ATP6V0A1: variants seen among roughly 807,000 people sequenced by gnomAD.
ATP6V0A1 encodes the protein ATPase H+ transporting V0 subunit a1, also known as V-type proton ATPase 116 kDa subunit a 1.
ATP6V0A1 carries 43 observed loss-of-function variants against 105.4 expected under a neutral mutation model. The observed-to-expected ratio is 0.41, with a 90% CI of 0.32 to 0.53. The LOEUF (loss-of-function observed/expected upper bound fraction) is 0.53, where lower values mean the gene tolerates loss of function less well. ATP6V0A1 is among the 20% of genes least tolerant of loss of function. The pLI is 0.30. For missense variants in ATP6V0A1, 676 were observed against 1,051.1 expected (o/e 0.64, Z 4.93); for synonymous variants, 362 against 372.8 (o/e 0.97, Z 0.33).
intron 7 of ATP6V0A1, 200 bp downstream of exon 7, chr17:42,478,789 C>T (rs567301848): frequency 2.9e-6 from 1 of 340,024 alleles, no homozygotes; most frequent in Admixed American, 5.2e-5. Context: ...GTATACATGA[C>T]ATATACATAT....
intron 21 of ATP6V0A1, chr17:42,519,639 A>T (rs1410102650): frequency 6.6e-6 from 1 of 151,926 alleles, no homozygotes; most frequent in East Asian, 1.9e-4. Context: ...GAACTTGGAG[A>T]AGTAGTTTTG....
chr17:42,502,496 GCACA>G lies in ATP6V0A1; in HGVS notation c.2004+1209_2004+1212del, dbSNP rs368754662. 8.6e-5 allele frequency among the ~76,000 whole-genome samples: 13 copies of G among 150,310 alleles called. No homozygotes were observed. In the East Asian group the frequency reaches 9.8e-4, roughly 11 times the overall value. On this transcript the variant is annotated intron_variant, in intron 17 of 21. Transcript: ENST00000343619. ...CTGTGTGTATATGAATTCTGCGCGCGCACACACACACACACACACAGAGTTAAAT... is the reference window on the plus strand; with the variant it reads ...CTGTGTGTATATGAATTCTGCGCGCGCACACACACACACACAGAGTTAAAT...
rs536913500 is a variant in ATP6V0A1 at position 42,462,851 on chromosome 17, G to A, written c.117+1840G>A. On this transcript the variant is annotated intron_variant, in intron 2 of 21. Coordinates refer to ENST00000343619, the MANE Select transcript of ATP6V0A1 (RefSeq NM_001130021.3). Reference sequence around the variant, plus strand: ...TGGTCTTGAACTCCTGGACTCAAGCGGTTCTCCTGCCTCAGCCTCCCAAAG... The same window carrying A: ...TGGTCTTGAACTCCTGGACTCAAGCAGTTCTCCTGCCTCAGCCTCCCAAAG... Among the ~76,000 whole-genome samples, 19 of 151,614 alleles carry A rather than the reference G, an allele frequency of 1.3e-4. No homozygotes were observed. In the East Asian group the frequency reaches 2.3e-3, roughly 19 times the overall value.
intron 1 of ATP6V0A1, 57 bp from the exon 2 acceptor site, chr17:42,460,791 T>C (rs2086314290): frequency 3.3e-6 from 3 of 898,006 alleles, no homozygotes; most frequent in Middle Eastern, 2.7e-4. Flanking sequence ...TGGGGTGTCA[T>C]TTGCTCTTAG....
intron 17 of ATP6V0A1, among the ~76,000 whole-genome samples, chr17:42,505,787 CTTT>C (rs200710030): frequency 1.4e-5 from 2 of 143,114 alleles, no homozygotes. Flanking sequence ...TTTCATATGT[CTTT>C]TTTTTTTTTT....
At chr17:42,478,678 C>A in intron 7 of ATP6V0A1, 89 bp downstream of exon 7, 2 of 1,350,838 alleles carry the variant, frequency 1.5e-6, no homozygotes. Context: ...GAATCCAGTG[C>A]TTCCACAGAG....
rs749272300 is a variant in ATP6V0A1 at position 42,513,425 on chromosome 17, G to A, written c.2131-436G>A. The A allele has an allele frequency of 1.3e-4, 22 of 165,070 alleles. 1 individual carries two copies. Among genetic ancestry groups the A allele is most frequent in the South Asian group, 4.7e-4 (3 of 6,342 alleles). 10.2% of individuals were successfully genotyped at this position (165,070 alleles called of 1,614,324 possible). A position where few individuals can be genotyped will look rare whatever the true frequency, so the allele number is the denominator to read the frequency against. ...GGGTTGAGAGTCTGTCTCCTGAAGC[G>A]CACTCTGGGGAAAATCCCTTCCTGC... On this transcript the variant is annotated intron_variant, in intron 19 of 21. Coordinates refer to ENST00000343619, the MANE Select transcript of ATP6V0A1 (RefSeq NM_001130021.3).
intron 9 of ATP6V0A1, among the ~76,000 whole-genome samples, chr17:42,484,279 G>A (rs1259657912): frequency 3.3e-5 from 5 of 151,876 alleles, no homozygotes; most frequent in Non-Finnish European, 7.4e-5. Context: ...GGATGATCTC[G>A]ATCTCCTGAC....
At chr17:42,479,938 A>G (rs1455490649) in intron 7 of ATP6V0A1, among the ~76,000 whole-genome samples, 1 of 152,218 alleles carries the variant, frequency 6.6e-6, no homozygotes, top group African/African-American at 2.4e-5. Context: ...GTTCTAGTTT[A>G]GCCTACAGAA....
At chr17:42,520,023 A>G (rs115188066) in intron 21 of ATP6V0A1, 201 of 162,246 alleles carry the variant, frequency 1.2e-3, no homozygotes, top group African/African-American at 4.6e-3. Flanking sequence ...TCCATTTGTA[A>G]AAGCTGAGTT....
At chr17:42,515,331 G>C (rs1259963239) in intron 21 of ATP6V0A1, among the ~76,000 whole-genome samples, 2 of 151,658 alleles carry the variant, frequency 1.3e-5, no homozygotes, top group African/African-American at 4.9e-5. Context: ...GCCAGGTGTG[G>C]TGGCACGTGC....
rs541584976 is a variant in ATP6V0A1, at chr17:42,502,108, A to G, written c.2004+804A>G. ...GAGCACTGGGCCTGCCAAGTCAGAG[A>G]AACATGTCTGCTGCTCAAGATATCT... On this transcript the variant is annotated intron_variant, in intron 17 of 21. Transcript: ENST00000343619. Among the ~76,000 whole-genome samples the G allele has an allele frequency of 3.4e-4, 52 of 152,344 alleles. No homozygotes were observed. In the South Asian group the frequency reaches 0.011, roughly 32 times the overall value.
At chr17:42,485,179 T>G (rs2089980875) in intron 9 of ATP6V0A1, among the ~76,000 whole-genome samples, 2 of 152,010 alleles carry the variant, frequency 1.3e-5, no homozygotes, top group African/African-American at 4.8e-5. Context: ...CTCAGTGACC[T>G]CCATCATATA....
chr17:42,504,808 C>G (rs1420592138), intron 17 of ATP6V0A1, among the ~76,000 whole-genome samples: 1 of 152,194 alleles, frequency 6.6e-6, no homozygotes, highest in African/African-American at 2.4e-5. Context: ...AAGAAAACCA[C>G]CTGCCCCCAC....
intron 5 of ATP6V0A1, among the ~76,000 whole-genome samples, chr17:42,474,516 A>G (rs1473826164): frequency 1.3e-5 from 2 of 152,052 alleles, no homozygotes; most frequent in Admixed American, 6.6e-5. Context: ...GTTCCTTTCC[A>G]TAGACCTTGC....
At chr17:42,466,136 G>C (rs2087028670) in intron 2 of ATP6V0A1, among the ~76,000 whole-genome samples, 2 of 152,194 alleles carry the variant, frequency 1.3e-5, no homozygotes, top group African/African-American at 4.8e-5. Flanking sequence ...ATTTTAGGTG[G>C]TGGGAAGGAA....
At chr17:42,494,250 GT>G in intron 11 of ATP6V0A1, 83 bp from the exon 12 acceptor site, 1 of 1,373,648 alleles carries the variant, frequency 7.3e-7, no homozygotes, top group Non-Finnish European at 9.9e-7. Flanking sequence ...AAAAAGGGGG[GT>G]GGGTATGGAA....
At chr17:42,491,938 CT>C (rs1359168654) in intron 11 of ATP6V0A1, among the ~76,000 whole-genome samples, 7 of 152,230 alleles carry the variant, frequency 4.6e-5, no homozygotes, top group Non-Finnish European at 1.0e-4. Flanking sequence ...AATCCTAGCA[CT>C]TTTAGAGGCC....
chr17:42,513,491 T>G (rs1472190408), intron 19 of ATP6V0A1: 2 of 190,506 alleles, frequency 1.0e-5, no homozygotes, highest in African/African-American at 4.7e-5. Flanking sequence ...AGACAGTCAC[T>G]TTCTCAACAG....
Sources: gnomAD v4.1 joint callset for allele counts (sites outside exome capture counted in the v4.1 genomes callset) on GRCh38, gnomAD v4.1.1 for gene constraint, MANE v1.5 for transcripts, NCBI Gene and HGNC (gene_info 2026-07-23, HGNC 2026-07-21) for gene names.